TCF12: variants seen among roughly 807,000 people sequenced by gnomAD.
TCF12 encodes DNA-binding protein HTF4.
TCF12 carries 45 observed loss-of-function variants against 86.0 expected under a neutral mutation model. The ratio of observed to expected loss-of-function variants is 0.52; its 90% CI spans 0.41 to 0.67. TCF12 has a LOEUF of 0.67. TCF12 is among the 30% of genes least tolerant of loss of function. TCF12 has a pLI of 0.00. For synonymous variants in TCF12, 330 were observed against 299.6 expected (o/e 1.10, Z -1.05); for missense variants, 881 against 859.9 (o/e 1.02, Z -0.31).
chr15:56,920,091 T>G, intron 2 of TCF12, 103 bp downstream of exon 2: 4 of 1,296,380 alleles, frequency 3.1e-6, no homozygotes, highest in Admixed American at 2.0e-5. Flanking sequence ...ACGTGGAGAC[T>G]AGGCAGCGTG....
intron 8 of TCF12, among the ~76,000 whole-genome samples, chr15:57,225,293 G>A (rs1449672376): frequency 2.3e-5 from 3 of 133,246 alleles, no homozygotes; most frequent in African/African-American, 8.7e-5. Context: ...GAGTGCAGTG[G>A]CAATGGTGTG....
chr15:57,170,751 A>C (rs2055387401), intron 6 of TCF12, among the ~76,000 whole-genome samples: 1 of 44,082 alleles, frequency 2.3e-5, no homozygotes, highest in African/African-American at 8.1e-5. Flanking sequence ...TATATTATAT[A>C]TTATATATTA....
chr15:56,930,150 A>T (rs2060182583), intron 3 of TCF12, among the ~76,000 whole-genome samples: 1 of 152,172 alleles, frequency 6.6e-6, no homozygotes, highest in Admixed American at 6.5e-5. Flanking sequence ...TGTCGGCAAG[A>T]GTTGTGAATG....
intron 3 of TCF12, among the ~76,000 whole-genome samples, chr15:56,991,938 T>C (rs1213029699): frequency 1.3e-5 from 2 of 152,098 alleles, no homozygotes. Flanking sequence ...TATTGTCATA[T>C]GATTCTTTAG....
chr15:57,104,908 T>G (rs1340483352), intron 5 of TCF12, among the ~76,000 whole-genome samples: 1 of 138,368 alleles, frequency 7.2e-6, no homozygotes, highest in Non-Finnish European at 1.6e-5. Context: ...GGAGTCCACT[T>G]TGTCACACAG....
At chr15:56,940,561 TTCC>T (rs2060700857) in intron 3 of TCF12, among the ~76,000 whole-genome samples, 7 of 148,644 alleles carry the variant, frequency 4.7e-5, no homozygotes, top group African/African-American at 1.5e-4. Flanking sequence ...CCTTTTCCTC[TTCC>T]TCTTCTTCTT....
intron 5 of TCF12, among the ~76,000 whole-genome samples, chr15:57,156,172 C>G (rs1374026449): frequency 1.3e-5 from 2 of 152,166 alleles, no homozygotes; most frequent in African/African-American, 4.8e-5. Flanking sequence ...TTACAAAAAT[C>G]CCTATATTTT....
At chr15:57,239,531 A>AC (rs1555405319) in intron 12 of TCF12, among the ~76,000 whole-genome samples, 7 of 151,822 alleles carry the variant, frequency 4.6e-5, no homozygotes, top group South Asian at 2.1e-4. Flanking sequence ...AAAAAAAAAA[A>AC]AGTTTTTGAG....
intron 3 of TCF12, among the ~76,000 whole-genome samples, chr15:56,935,631 C>G (rs894870605): frequency 6.6e-6 from 1 of 152,244 alleles, no homozygotes; most frequent in African/African-American, 2.4e-5. Flanking sequence ...ACCGCCCTCC[C>G]ACCCTTTTCC....
chr15:57,260,325 T>G (rs1296359427), intron 16 of TCF12, among the ~76,000 whole-genome samples: 2 of 152,130 alleles, frequency 1.3e-5, no homozygotes, highest in African/African-American at 2.4e-5. Context: ...ACTGATGAAG[T>G]AAAAGGAAAT....
chr15:57,067,169 G>T (rs190781558), intron 4 of TCF12, among the ~76,000 whole-genome samples: 54 of 152,270 alleles, frequency 3.5e-4, no homozygotes, highest in African/African-American at 1.3e-3. Flanking sequence ...TTAAGTTTCT[G>T]GTTATCAGAA....
At chr15:57,160,678 G>GT (rs1165229328) in intron 5 of TCF12, among the ~76,000 whole-genome samples, 1 of 151,900 alleles carries the variant, frequency 6.6e-6, no homozygotes, top group Non-Finnish European at 1.5e-5. Context: ...GCTTGTGGGG[G>GT]TTTTTTTGTT....
chr15:56,981,795 G>C (rs1393068044), intron 3 of TCF12, among the ~76,000 whole-genome samples: 2 of 152,104 alleles, frequency 1.3e-5, no homozygotes. Context: ...AAATAAGCTA[G>C]ACAAGTGCAA....
At chr15:56,918,305 G>C (rs1190443527), upstream of TCF12, 1 of 454,516 alleles carries the variant, frequency 2.2e-6, no homozygotes, top group Non-Finnish European at 4.4e-6. Flanking sequence ...TGTCTCCGTC[G>C]CTCCGCTTCG....
intron 6 of TCF12, among the ~76,000 whole-genome samples, chr15:57,177,460 G>C (rs2056006380): frequency 6.6e-6 from 1 of 151,706 alleles, no homozygotes; most frequent in Non-Finnish European, 1.5e-5. Context: ...CGGTAGAGAG[G>C]GGGTTTCACC....
chr15:56,927,557 A>C (rs2060069309), intron 3 of TCF12, among the ~76,000 whole-genome samples: 1 of 152,242 alleles, frequency 6.6e-6, no homozygotes, highest in Non-Finnish European at 1.5e-5. Context: ...TGAATATAGC[A>C]TAACTTAACA....
chr15:57,166,337 T>C (rs2054888853), intron 5 of TCF12, 65 bp from the exon 6 acceptor site: 2 of 1,315,448 alleles, frequency 1.5e-6, no homozygotes, highest in Admixed American at 1.9e-5. Flanking sequence ...ATGAATAGTC[T>C]AGCAGTTTGA....
chr15:57,148,942 C>T (rs1263323140), intron 5 of TCF12, among the ~76,000 whole-genome samples: 1 of 152,120 alleles, frequency 6.6e-6, no homozygotes, highest in African/African-American at 2.4e-5. Context: ...CCAGTTTTCC[C>T]ACGTGAGACG....
chr15:57,074,360 TAA>T (rs35606687), intron 4 of TCF12, among the ~76,000 whole-genome samples: 8,818 of 110,554 alleles, frequency 0.08, 405 homozygotes, highest in African/African-American at 0.14. Flanking sequence ...CCATTTTGAT[TAA>T]AAAAAAAAAA....
Sources: allele counts gnomAD v4.1 joint callset (sites outside exome capture counted in the v4.1 genomes callset), GRCh38; gene constraint gnomAD v4.1.1; transcripts MANE v1.5; gene names NCBI Gene and HGNC (gene_info 2026-07-23, HGNC 2026-07-21).